The following CAST variants were observed in gnomAD, a reference collection of about 807,000 sequenced individuals.
CAST encodes the protein MIR583 host.
In CAST, 76 loss-of-function variants were observed where a neutral mutation model predicts 119.6. The observed-to-expected ratio is 0.64, with a 90% CI of 0.53 to 0.77. The LOEUF is 0.77. Ranked by LOEUF, CAST falls within the 30% of genes least tolerant of loss-of-function variation. The pLI is 0.00. For missense variants in CAST, 953 were observed against 946.5 expected, an observed-to-expected ratio of 1.01 and a Z score of -0.09; for synonymous variants, 319 against 331.6, an observed-to-expected ratio of 0.96 and a Z score of 0.41.
the CAST span, among the ~76,000 whole-genome samples, chr5:96,397,879 C>G: frequency 6.6e-6 from 1 of 151,740 alleles, no homozygotes. Flanking sequence ...TTAGTAGGTG[C>G]CTGACTCCAT....
the CAST span, among the ~76,000 whole-genome samples, chr5:96,027,742 A>C: frequency 1.3e-5 from 2 of 152,182 alleles, no homozygotes; most frequent in Non-Finnish European, 2.9e-5. Flanking sequence ...CAATGTAAAC[A>C]GGTCAGACCA....
At chr5:96,098,996 G>A in the CAST span, among the ~76,000 whole-genome samples, 1 of 152,022 alleles carries the variant, frequency 6.6e-6, no homozygotes, top group Non-Finnish European at 1.5e-5. Context: ...TCTCTGATTT[G>A]TTTGAGCAGT....
chr5:96,282,629 A>C, the CAST span, among the ~76,000 whole-genome samples: 1 of 152,148 alleles, frequency 6.6e-6, no homozygotes, highest in East Asian at 1.9e-4. Context: ...AAACACCATA[A>C]TTTTACCACT....
intron 1 of CAST, among the ~76,000 whole-genome samples, chr5:96,544,975 A>C (rs188817328): frequency 6.6e-6 from 1 of 152,330 alleles, no homozygotes; most frequent in Admixed American, 6.5e-5. Flanking sequence ...ATTTAAAAGA[A>C]AGGAGACTTC....
the CAST span, among the ~76,000 whole-genome samples, chr5:96,362,072 G>C: frequency 1.3e-5 from 2 of 152,032 alleles, no homozygotes; most frequent in Admixed American, 6.6e-5. Context: ...CTATGGGTGA[G>C]AACATGCGGT....
chr5:96,056,576 T>C, the CAST span, among the ~76,000 whole-genome samples: 2 of 152,134 alleles, frequency 1.3e-5, no homozygotes, highest in Non-Finnish European at 2.9e-5. Context: ...CTGAGTTGTA[T>C]TGGTTAGAGC....
the CAST span, among the ~76,000 whole-genome samples, chr5:96,159,972 A>G: frequency 6.6e-6 from 1 of 151,490 alleles, no homozygotes; most frequent in Non-Finnish European, 1.5e-5. Flanking sequence ...TCTACTAAAA[A>G]AAAAAAAAAA....
chr5:96,291,322 C>G, the CAST span, among the ~76,000 whole-genome samples: 2 of 152,196 alleles, frequency 1.3e-5, no homozygotes, highest in Non-Finnish European at 2.9e-5. Context: ...AGCATATAAG[C>G]ACTCCTATGA....
intron 1 of CAST, among the ~76,000 whole-genome samples, chr5:96,669,840 C>T (rs1208333989): frequency 6.6e-6 from 1 of 152,208 alleles, no homozygotes; most frequent in African/African-American, 2.4e-5. Flanking sequence ...AATCTTCCCC[C>T]AAAACCAGTG....
At chr5:95,976,150 A>G in the CAST span, among the ~76,000 whole-genome samples, 2 of 151,280 alleles carry the variant, frequency 1.3e-5, no homozygotes, top group Non-Finnish European at 2.9e-5. Flanking sequence ...TCAAATACAA[A>G]CAATCAAAAT....
chr5:96,383,150 C>T, the CAST span, among the ~76,000 whole-genome samples: 1 of 152,152 alleles, frequency 6.6e-6, no homozygotes, highest in Admixed American at 6.5e-5. Flanking sequence ...ACGAGAGGTT[C>T]TGACTTAGGC....
chr5:96,158,656 T>C, the CAST span, among the ~76,000 whole-genome samples: 19 of 152,238 alleles, frequency 1.2e-4, no homozygotes, highest in African/African-American at 4.6e-4. Flanking sequence ...TGAGAACATA[T>C]TTGACACTTT....
chr5:96,458,688 G>A, the CAST span, among the ~76,000 whole-genome samples: 3 of 152,206 alleles, frequency 2.0e-5, no homozygotes, highest in East Asian at 3.9e-4. Context: ...TGGGAAATGG[G>A]CCTCATTGTG....
intron 1 of CAST, among the ~76,000 whole-genome samples, chr5:96,626,427 T>C (rs1457693016): frequency 1.3e-5 from 2 of 152,198 alleles, no homozygotes; most frequent in African/African-American, 4.8e-5. Flanking sequence ...GGCCTCTTGG[T>C]CTGGATGCTG....
At chr5:96,482,869 C>A in the CAST span, among the ~76,000 whole-genome samples, 1 of 152,100 alleles carries the variant, frequency 6.6e-6, no homozygotes, top group Non-Finnish European at 1.5e-5. Context: ...GTTAAACATT[C>A]ACTAGGAAAT....
the CAST span, among the ~76,000 whole-genome samples, chr5:96,465,565 A>G: frequency 6.6e-6 from 1 of 152,126 alleles, no homozygotes; most frequent in African/African-American, 2.4e-5. Context: ...TTTTCAAAGT[A>G]CATGTGATCA....
At chr5:96,648,766 C>T (rs1308683084) in intron 1 of CAST, among the ~76,000 whole-genome samples, 1 of 150,718 alleles carries the variant, frequency 6.6e-6, no homozygotes, top group African/African-American at 2.4e-5. Flanking sequence ...CACTCGTTCA[C>T]AGTCACACAG....
At chr5:96,076,722 G>T in the CAST span, among the ~76,000 whole-genome samples, 1 of 152,054 alleles carries the variant, frequency 6.6e-6, no homozygotes, top group Non-Finnish European at 1.5e-5. Context: ...CAAAAGGAAA[G>T]TAATAACCAT....
the CAST span, among the ~76,000 whole-genome samples, chr5:96,283,993 G>A: frequency 1.3e-5 from 2 of 152,136 alleles, no homozygotes; most frequent in Non-Finnish European, 2.9e-5. Flanking sequence ...CATTGGACTG[G>A]GGTAGGGATG....
Sources: gnomAD v4.1 joint callset for allele counts (sites outside exome capture counted in the v4.1 genomes callset) on GRCh38, gnomAD v4.1.1 for gene constraint, MANE v1.5 for transcripts, NCBI Gene and HGNC (gene_info 2026-07-23, HGNC 2026-07-21) for gene names.